Variants in TPD52 observed in about 807,000 individuals in gnomAD.
TPD52 encodes prostate and colon associated protein.
In TPD52, 17 loss-of-function variants were observed where a neutral mutation model predicts 31.3. The observed-to-expected ratio is 0.54, with a 90% CI of 0.37 to 0.82. TPD52 has a LOEUF of 0.82. TPD52 is among the 40% of genes least tolerant of loss of function. The pLI is 0.00. For synonymous variants in TPD52, 83 were observed against 89.6 expected (o/e 0.93, Z 0.42); for missense variants, 212 against 240.1 (o/e 0.88, Z 0.77).
At chr8:80,131,096 TA>T (rs1271849019) in intron 1 of TPD52, among the ~76,000 whole-genome samples, 2 of 152,066 alleles carry the variant, frequency 1.3e-5, no homozygotes, top group Non-Finnish European at 2.9e-5. Context: ...GAATGGTATT[TA>T]AAGCTTTGGT....
chr8:80,146,662 G>A (rs533406645), intron 1 of TPD52, among the ~76,000 whole-genome samples: 70 of 152,312 alleles, frequency 4.6e-4, no homozygotes, highest in African/African-American at 1.6e-3. Flanking sequence ...GATGTTCAAT[G>A]CAGGATTTAT....
intron 1 of TPD52, among the ~76,000 whole-genome samples, chr8:80,163,291 C>T (rs1811482844): frequency 6.6e-6 from 1 of 152,118 alleles, no homozygotes; most frequent in Non-Finnish European, 1.5e-5. Flanking sequence ...ATTATTCAGC[C>T]TTAAGAAGGA....
rs957613864 is a variant in TPD52, at chr8:80,124,127, T to C, written c.19+47298A>G. Among the ~76,000 whole-genome samples, 6 of 151,182 alleles carry C rather than the reference T, an allele frequency of 4.0e-5. No individual in the cohort carries two copies. In the East Asian group the frequency reaches 1.2e-3, roughly 29 times the overall value. Reference sequence around the variant, plus strand: ...TTAGGCAATACTAGAGAGGGACCTGTAGCCAAAGAAGGGGTTATCAGCATG... The same window carrying C: ...TTAGGCAATACTAGAGAGGGACCTGCAGCCAAAGAAGGGGTTATCAGCATG... On this transcript the variant is annotated intron_variant, in intron 1 of 7. Coordinates refer to ENST00000518937, the MANE Select transcript of TPD52 (RefSeq NM_001025253.3).
At chr8:80,058,938 G>A (rs571724337) in intron 2 of TPD52, among the ~76,000 whole-genome samples, 9 of 152,204 alleles carry the variant, frequency 5.9e-5, no homozygotes, top group South Asian at 2.1e-4. Flanking sequence ...TCATAGAGAC[G>A]ACTTGAACAA....
chr8:80,065,307 A>ATC (rs1813014626), intron 1 of TPD52, among the ~76,000 whole-genome samples: 2 of 147,738 alleles, frequency 1.4e-5, no homozygotes, highest in African/African-American at 5.1e-5. Flanking sequence ...ATCTATCTAT[A>ATC]TATATATATA....
At chr8:80,157,646 G>A (rs577866100) in intron 1 of TPD52, among the ~76,000 whole-genome samples, 1 of 152,202 alleles carries the variant, frequency 6.6e-6, no homozygotes, top group East Asian at 1.9e-4. Context: ...ACAAGCTTCA[G>A]GTTGGCCCTT....
chr8:80,037,971 A>T lies in TPD52; in HGVS notation c.*145T>A. On this transcript the variant is annotated 3_prime_UTR_variant, in exon 8 of 8. Coordinates refer to ENST00000518937, the MANE Select transcript of TPD52 (RefSeq NM_001025253.3). The stretch of plus-strand genomic sequence containing the variant: ...AGGTGAAGATATTTTCATTTTGTTT[A>T]ACCCACAAACTATTTGGTCAAAGGA... 2 of 1,136,802 alleles carry T rather than the reference A, an allele frequency of 1.8e-6. No homozygotes were observed. Among genetic ancestry groups the T allele is most frequent in the Non-Finnish European group, 2.5e-6 (2 of 811,004 alleles). The allele number at this position is 1,136,802 out of a possible 1,614,324, so 70.4% of individuals were successfully genotyped here. A position where few individuals can be genotyped will look rare whatever the true frequency, so the allele number is the denominator to read the frequency against.
At chr8:80,088,017 C>G (rs1404113562) in intron 1 of TPD52, among the ~76,000 whole-genome samples, 1 of 152,192 alleles carries the variant, frequency 6.6e-6, no homozygotes, top group Admixed American at 6.5e-5. Context: ...TCTGCCTCTC[C>G]CTATTTTTCA....
chr8:80,094,921 C>G (rs1022248001), intron 1 of TPD52, among the ~76,000 whole-genome samples: 1 of 152,066 alleles, frequency 6.6e-6, no homozygotes, highest in Non-Finnish European at 1.5e-5. Context: ...CTGGGAGAGG[C>G]AGGCCTGGTT....
intron 1 of TPD52, among the ~76,000 whole-genome samples, chr8:80,142,614 A>AGG (rs58200053): frequency 0.4 from 59,988 of 151,750 alleles, 12,303 homozygotes; most frequent in East Asian, 0.71. Flanking sequence ...AGGCACAAGA[A>AGG]TTGCTTGAAC....
chr8:80,143,640 A>G (rs995606545), intron 1 of TPD52, among the ~76,000 whole-genome samples: 1 of 152,318 alleles, frequency 6.6e-6, no homozygotes. Context: ...TAAGCTTCAT[A>G]GTTTAACAAA....
intron 2 of TPD52, among the ~76,000 whole-genome samples, chr8:80,060,351 CAAGTA>C (rs773275110): frequency 2.0e-5 from 3 of 150,814 alleles, no homozygotes; most frequent in East Asian, 2.0e-4. Flanking sequence ...GAAATCTGAA[CAAGTA>C]AAGAGATTGA....
chr8:80,054,744 GA>G (rs34889193), intron 2 of TPD52, among the ~76,000 whole-genome samples: 84,093 of 144,562 alleles, frequency 0.58, 24,467 homozygotes, highest in East Asian at 0.7. Context: ...CAGCTGCCAA[GA>G]AAAAAAAAAA....
chr8:80,117,822 T>C (rs1432170421), intron 1 of TPD52, among the ~76,000 whole-genome samples: 1 of 144,626 alleles, frequency 6.9e-6, no homozygotes, highest in Non-Finnish European at 1.5e-5. Flanking sequence ...AACCTCCACC[T>C]CCCAGGTTCA....
intron 1 of TPD52, among the ~76,000 whole-genome samples, chr8:80,122,604 G>C (rs533242555): frequency 6.6e-6 from 1 of 152,082 alleles, no homozygotes; most frequent in Non-Finnish European, 1.5e-5. Flanking sequence ...GAAGAGAAGA[G>C]ACAAAAAAAC....
rs1329464714 is a variant in TPD52 at position 80,061,382 on chromosome 8, C to T, written c.135+3096G>A. On this transcript the variant is annotated intron_variant, in intron 2 of 7. Transcript: ENST00000518937. The stretch of plus-strand genomic sequence containing the variant: ...TCCATACCTTCCCCCCCACCGCCCC[C>T]CCCAAAAAAAAAAGAATCCACAAAA... Among the ~76,000 whole-genome samples, 76 of 125,346 alleles carry T rather than the reference C, an allele frequency of 6.1e-4. 1 individual carries two copies. Among genetic ancestry groups the T allele is most frequent in the Non-Finnish European group, 1.1e-3 (64 of 59,478 alleles). The allele number at this position is 125,346 out of a possible 152,430, so 82.2% of individuals were successfully genotyped here. A position where few individuals can be genotyped will look rare whatever the true frequency, so the allele number is the denominator to read the frequency against.
intron 1 of TPD52, among the ~76,000 whole-genome samples, chr8:80,149,531 G>T (rs183105398): frequency 6.6e-6 from 1 of 152,250 alleles, no homozygotes; most frequent in Non-Finnish European, 1.5e-5. Flanking sequence ...GAATGTGGAA[G>T]TAACTTTGGA....
intron 1 of TPD52, among the ~76,000 whole-genome samples, chr8:80,130,534 C>A (rs781590700): frequency 6.6e-6 from 1 of 152,132 alleles, no homozygotes. Flanking sequence ...GTGCCCTCCA[C>A]CCAGAGCACT....
chr8:80,088,183 C>T (rs1815966004), intron 1 of TPD52, among the ~76,000 whole-genome samples: 1 of 152,150 alleles, frequency 6.6e-6, no homozygotes, highest in Admixed American at 6.5e-5. Context: ...AAGGATAAGC[C>T]AGTCCCTCAC....
Sources: allele counts gnomAD v4.1 joint callset (sites outside exome capture counted in the v4.1 genomes callset), GRCh38; gene constraint gnomAD v4.1.1; transcripts MANE v1.5; gene names NCBI Gene and HGNC (gene_info 2026-07-23, HGNC 2026-07-21).